Variants in CAPN7 observed in about 807,000 individuals in gnomAD.
The protein encoded by CAPN7 is calpain 7.
Under a neutral mutation model 115.2 loss-of-function variants are expected in CAPN7, and 72 were observed. The ratio of observed to expected loss-of-function variants is 0.63; its 90% CI spans 0.52 to 0.76. CAPN7 has a LOEUF of 0.76. CAPN7 is among the 30% of genes least tolerant of loss of function. The probability of loss-of-function intolerance (pLI) is 0.00; values close to 1 mark genes in which losing one functional copy is unlikely to be tolerated. For missense variants in CAPN7, 905 were observed against 971.5 expected, an observed-to-expected ratio of 0.93 and a Z score of 0.91; for synonymous variants, 344 against 322.3, an observed-to-expected ratio of 1.07 and a Z score of -0.72.
At chr3:15,224,309 A>G (rs1467037556) in intron 6 of CAPN7, among the ~76,000 whole-genome samples, 1 of 149,488 alleles carries the variant, frequency 6.7e-6, no homozygotes, top group African/African-American at 2.5e-5. Flanking sequence ...TCTCACTCCC[A>G]TTGCCTAGGC....
chr3:15,207,823 C>T (rs1440874483), intron 1 of CAPN7, among the ~76,000 whole-genome samples: 3 of 152,046 alleles, frequency 2.0e-5, no homozygotes, highest in African/African-American at 7.2e-5. Context: ...TGAAATATCT[C>T]CTGAAGGACA....
intron 6 of CAPN7, among the ~76,000 whole-genome samples, chr3:15,226,840 C>T (rs1372436686): frequency 6.6e-6 from 1 of 151,720 alleles, no homozygotes; most frequent in Non-Finnish European, 1.5e-5. Context: ...CTCCCAGTAT[C>T]TGTCAGCATT....
chr3:15,221,603 C>T (rs1358077968), intron 5 of CAPN7, among the ~76,000 whole-genome samples: 1 of 152,054 alleles, frequency 6.6e-6, no homozygotes, highest in Non-Finnish European at 1.5e-5. Context: ...GCAAAATGAG[C>T]TGTAGCAGAC....
chr3:15,241,085 G>C (rs1461054787), intron 14 of CAPN7, among the ~76,000 whole-genome samples: 1 of 152,130 alleles, frequency 6.6e-6, no homozygotes, highest in African/African-American at 2.4e-5. Flanking sequence ...CACACTTGTA[G>C]TCCCAGCTAC....
rs375577965 is a variant in CAPN7, at chr3:15,220,770, C to T, written c.438-11C>T. ...AAAACTAGAACAGTTGTTTGTTCCT[C>T]TCTGTTATAGAGCAGAAGCGCTGAG... On this transcript the variant is annotated splice_polypyrimidine_tract_variant and intron_variant, in intron 4 of 20. Transcript: ENST00000253693. The T allele has an allele frequency of 5.6e-6, 9 of 1,612,592 alleles. No individual in the cohort carries two copies. Among genetic ancestry groups the T allele is most frequent in the East Asian group, 2.2e-5 (1 of 44,884 alleles).
rs1382053925 is a variant in CAPN7, at chr3:15,245,604, G to A, written c.1943G>A (p.Gly648Asp). Residue 648 changes from glycine (G) to aspartate (D), a missense_variant, in exon 17 of 21, where the codon GGC (glycine) becomes GAC (aspartate). By Grantham distance (94) the Gly-to-Asp change is moderately conservative (BLOSUM62 -1). Around this residue, in one of 3 missense-constraint regions of CAPN7, gnomAD observed 620 missense variants for 703.4 expected, o/e 0.88. Coordinates refer to ENST00000253693, the MANE Select transcript of CAPN7 (RefSeq NM_014296.3). ...ACTAAGATAAAGCTGACCACACCTG[G>A]CACCCATACCTTTACATTAGTGGTT... is the stretch of plus-strand genomic sequence containing the variant. ...YLTKIKLTTP[G>D]THTFTLVVSQ... is the part of the protein sequence containing the mutation. 6.2e-7 allele frequency: 1 copy of A among 1,613,660 alleles called. No homozygotes were observed. The highest frequency in any genetic ancestry group is 1.7e-5 in the Admixed American group (1 of 59,980).
chr3:15,234,657 G>A (rs1191079224), intron 11 of CAPN7, among the ~76,000 whole-genome samples: 1 of 152,188 alleles, frequency 6.6e-6, no homozygotes, highest in African/African-American at 2.4e-5. Flanking sequence ...TGTCTAAACA[G>A]TGATACACAT....
At chr3:15,246,418 C>T (rs1695661492) in intron 17 of CAPN7, 5 of 283,562 alleles carry the variant, frequency 1.8e-5, no homozygotes, top group South Asian at 5.6e-5. Flanking sequence ...TCTAGATAAG[C>T]GGCTCAATTT....
At chr3:15,210,710 C>T (rs1180701286) in intron 1 of CAPN7, 1 of 1,081,602 alleles carries the variant, frequency 9.2e-7, no homozygotes, top group African/African-American at 1.6e-5. Context: ...ATCCTCCCGC[C>T]TCAGCCTCCT....
chr3:15,233,725 T>C (rs916647629), intron 10 of CAPN7, 142 bp from the exon 11 acceptor site: 2 of 570,696 alleles, frequency 3.5e-6, no homozygotes. Context: ...AAATAAGAAA[T>C]ATATTACTAG....
At chr3:15,220,315 G>C (rs945354428) in intron 4 of CAPN7, among the ~76,000 whole-genome samples, 1 of 152,192 alleles carries the variant, frequency 6.6e-6, no homozygotes, top group Non-Finnish European at 1.5e-5. Flanking sequence ...TCACTGCCCA[G>C]GTGAACAACT....
chr3:15,235,552 G>A (rs188591265), intron 12 of CAPN7, among the ~76,000 whole-genome samples: 2 of 152,110 alleles, frequency 1.3e-5, no homozygotes, highest in African/African-American at 2.4e-5. Flanking sequence ...TCCACAGACT[G>A]GGGGGTGGGT....
chr3:15,210,935 G>A (rs767369315), intron 1 of CAPN7: 2 of 1,182,522 alleles, frequency 1.7e-6, no homozygotes, highest in Non-Finnish European at 2.2e-6. Context: ...GCTGTTACTT[G>A]TAGAAATCTG....
chr3:15,234,097 C>G (rs1394369613), intron 11 of CAPN7, 124 bp downstream of exon 11: 3 of 546,194 alleles, frequency 5.5e-6, no homozygotes, highest in African/African-American at 2.0e-5. Context: ...AGGCAGATGA[C>G]CTGAGTTTGG....
rs564665696 is a variant in CAPN7, at chr3:15,246,716, C to CT, written c.2011-9dup. 48 of 1,551,546 alleles carry CT rather than the reference C, an allele frequency of 3.1e-5. No homozygotes were observed. In the African/African-American group the frequency reaches 5.0e-4, roughly 16 times the overall value. ...TAAGTGTAAAATTTATCAATACAGTCTTTTTTTAAATCTAGGTATATTCAG... is the reference window on the plus strand; with the variant it reads ...TAAGTGTAAAATTTATCAATACAGTCTTTTTTTTAAATCTAGGTATATTCAG... On this transcript the variant is annotated splice_polypyrimidine_tract_variant and intron_variant, in intron 17 of 20. Coordinates refer to ENST00000253693, the MANE Select transcript of CAPN7 (RefSeq NM_014296.3).
chr3:15,240,368 G>A (rs1401436736), intron 12 of CAPN7, 105 bp from the exon 13 acceptor site: 1 of 1,021,404 alleles, frequency 9.8e-7, no homozygotes, highest in Non-Finnish European at 1.5e-6. Flanking sequence ...GTTGATTTGA[G>A]GGGAAAAGAA....
chr3:15,235,385 T>A (rs1238022309), intron 12 of CAPN7, among the ~76,000 whole-genome samples: 1 of 152,218 alleles, frequency 6.6e-6, no homozygotes, highest in Non-Finnish European at 1.5e-5. Flanking sequence ...TACACCTCTT[T>A]GTCTTTTCCA....
chr3:15,245,410 T>C lies in CAPN7; in HGVS notation c.1865-116T>C, dbSNP rs1695599020. 1.0e-5 allele frequency: 9 copies of C among 895,840 alleles called. No homozygotes were observed. In the Admixed American group the frequency reaches 2.3e-4, roughly 23 times the overall value. 55.5% of individuals were successfully genotyped at this position (895,840 alleles called of 1,614,324 possible). A position where few individuals can be genotyped will look rare whatever the true frequency, so the allele number is the denominator to read the frequency against. On this transcript the variant is annotated intron_variant, in intron 16 of 20. Transcript: ENST00000253693. Reference sequence around the variant, plus strand: ...TATAATTCACTAATATCATTATATTTTAAGGAGAGAATCAGTTAAGGAGAT... The same window carrying C: ...TATAATTCACTAATATCATTATATTCTAAGGAGAGAATCAGTTAAGGAGAT...
chr3:15,228,236 A>G (rs1011031071), intron 7 of CAPN7, among the ~76,000 whole-genome samples: 42 of 152,194 alleles, frequency 2.8e-4, no homozygotes, highest in Admixed American at 1.6e-3. Flanking sequence ...TTCACCTTTG[A>G]TAAAGGAATA....
Sources: gnomAD v4.1 joint callset for allele counts (sites outside exome capture counted in the v4.1 genomes callset) on GRCh38, gnomAD v4.1.1 for gene constraint, gnomAD v4.1.1 regional missense constraint, MANE v1.5 for transcripts, NCBI Gene and HGNC (gene_info 2026-07-23, HGNC 2026-07-21) for gene names.